CDH1: variants seen among roughly 807,000 people sequenced by gnomAD.
CDH1 encodes cadherin-1.
A neutral mutation model predicts 84.5 loss-of-function variants in CDH1; 35 were observed. The ratio of observed to expected loss-of-function variants is 0.41; its 90% CI spans 0.32 to 0.55. CDH1 has a LOEUF of 0.55. Ranked by LOEUF, CDH1 falls within the 20% of genes least tolerant of loss-of-function variation. The probability of loss-of-function intolerance (pLI) is 0.19; values close to 1 mark genes in which losing one functional copy is unlikely to be tolerated. For missense variants in CDH1, 994 were observed against 1,126.6 expected (o/e 0.88, Z 1.68); for synonymous variants, 417 against 439.0 (o/e 0.95, Z 0.63).
rs918283989 is a variant in CDH1, at chr16:68,800,045, A to C, written c.164-1625A>C. Among the ~76,000 whole-genome samples the C allele has an allele frequency of 4.6e-5, 7 of 151,496 alleles. No individual in the cohort carries two copies. In the South Asian group the frequency reaches 8.3e-4, roughly 18 times the overall value. On this transcript the variant is annotated intron_variant, in intron 2 of 15. Coordinates refer to ENST00000261769, the MANE Select transcript of CDH1 (RefSeq NM_004360.5). ...TAGTAATAATAATTAAAAAAAAAAA[A>C]AAAACCAAGGTTGGCTGGGCACACT...
intron 2 of CDH1, among the ~76,000 whole-genome samples, chr16:68,738,935 G>GTTTTTTTTTT (rs1179292223): frequency 5.5e-5 from 1 of 18,160 alleles, no homozygotes; most frequent in Non-Finnish European, 1.3e-4. Flanking sequence ...AGATATAAAA[G>GTTTTTTTTTT]CTTTTTTTTT....
chr16:68,771,829 C>T (rs560250163), intron 2 of CDH1, among the ~76,000 whole-genome samples: 1 of 152,134 alleles, frequency 6.6e-6, no homozygotes, highest in East Asian at 1.9e-4. Flanking sequence ...TGGCCTCTTG[C>T]CTCTGCCTCC....
Position 68,834,231 on chromosome 16 carries a change from G to C in CDH1, c.*732G>C, listed in dbSNP as rs1405642732. On this transcript the variant is annotated 3_prime_UTR_variant, in exon 16 of 16. Transcript: ENST00000261769. Reference sequence around the variant, plus strand: ...GGCCTCCCAGAGTATTGGGATTACAGACATGAGCCACTGCACCTGCCCAGC... The same window carrying C: ...GGCCTCCCAGAGTATTGGGATTACACACATGAGCCACTGCACCTGCCCAGC... 1 of 505,574 alleles carries C rather than the reference G, an allele frequency of 2.0e-6. No individual in the cohort carries two copies. Among genetic ancestry groups the C allele is most frequent in the Admixed American group, 2.3e-5 (1 of 43,852 alleles). The allele number at this position is 505,574 out of a possible 1,614,324, so 31.3% of individuals were successfully genotyped here. A position where few individuals can be genotyped will look rare whatever the true frequency, so the allele number is the denominator to read the frequency against.
In CDH1 at chr16:68,737,379, C is replaced by T. The variant is rs1057520826; in HGVS notation, c.-37C>T. Reference sequence around the variant, plus strand: ...TCCAGCCCGGCCCGACCCGACCGCACCCGGCGCCTGCCCTCGCTCGGCGTC... The same window carrying T: ...TCCAGCCCGGCCCGACCCGACCGCATCCGGCGCCTGCCCTCGCTCGGCGTC... On this transcript the variant is annotated 5_prime_UTR_variant, in exon 1 of 16. Transcript: ENST00000261769. 6.6e-7 allele frequency: 1 copy of T among 1,525,800 alleles called. No individual in the cohort carries two copies. The highest frequency in any genetic ancestry group is 2.5e-5 in the East Asian group (1 of 40,554). The allele number at this position is 1,525,800 out of a possible 1,614,324, so 94.5% of individuals were successfully genotyped here.
intron 2 of CDH1, among the ~76,000 whole-genome samples, chr16:68,787,654 GT>G (rs1176003631): frequency 6.7e-6 from 1 of 149,964 alleles, no homozygotes; most frequent in Non-Finnish European, 1.5e-5. Context: ...TATAACTATT[GT>G]TTTGTTTTGT....
At chr16:68,754,807 T>C (rs1962977482) in intron 2 of CDH1, among the ~76,000 whole-genome samples, 1 of 152,200 alleles carries the variant, frequency 6.6e-6, no homozygotes, top group Non-Finnish European at 1.5e-5. Flanking sequence ...GAAAAAGCCC[T>C]GTCCTCATGG....
rs1303550652 is a variant in CDH1, at chr16:68,737,434, A to G, written c.19A>G (p.Ser7Gly). ...GCCAGCCATGGGCCCTTGGAGCCGC[A>G]GCCTCTCGGCGCTGCTGCTGCTGCT... MGPWSR[S>G]LSALLLLLQV... is the part of the protein sequence containing the mutation. The change falls in exon 1 of 16, where the codon AGC becomes GGC. Residue 7 changes from serine to glycine, a missense_variant. Ser to Gly is a moderately conservative substitution (Grantham distance 56, BLOSUM62 0). Around this residue, in one of 3 missense-constraint regions of CDH1, gnomAD observed 203 missense variants for 194.0 expected, o/e 1.05. Transcript: ENST00000261769. 2.0e-6 allele frequency: 3 copies of G among 1,534,684 alleles called. No individual in the cohort carries two copies. Among genetic ancestry groups the G allele is most frequent in the Non-Finnish European group, 2.6e-6 (3 of 1,147,134 alleles).
chr16:68,750,930 C>G (rs1467751519), intron 2 of CDH1, among the ~76,000 whole-genome samples: 1 of 152,052 alleles, frequency 6.6e-6, no homozygotes, highest in Non-Finnish European at 1.5e-5. Flanking sequence ...GTCTGGAACT[C>G]CTGGGCTCAA....
chr16:68,740,426 G>A (rs1020105423), intron 2 of CDH1, among the ~76,000 whole-genome samples: 4 of 152,084 alleles, frequency 2.6e-5, no homozygotes, highest in East Asian at 3.9e-4. Flanking sequence ...TGATTCACCC[G>A]CCTTGGCCTC....
At chr16:68,809,314 G>T (rs987732676) in intron 5 of CDH1, among the ~76,000 whole-genome samples, 2 of 149,070 alleles carry the variant, frequency 1.3e-5, no homozygotes, top group Admixed American at 6.8e-5. Flanking sequence ...TGATTCTCCT[G>T]CTTCAACCTC....
intron 2 of CDH1, among the ~76,000 whole-genome samples, chr16:68,783,398 A>AG (rs943514331): frequency 7.3e-6 from 1 of 137,526 alleles, no homozygotes; most frequent in African/African-American, 2.7e-5. Context: ...CAAAAAAAAA[A>AG]AAAAAAGAAA....
chr16:68,833,219 A>G, intron 15 of CDH1, 71 bp from the exon 16 acceptor site: 1 of 1,360,622 alleles, frequency 7.3e-7, no homozygotes, highest in Non-Finnish European at 1.1e-6. Context: ...ACATATTGCT[A>G]GACTTCTTGC....
At chr16:68,744,654 T>C (rs1400669699) in intron 2 of CDH1, among the ~76,000 whole-genome samples, 1 of 152,174 alleles carries the variant, frequency 6.6e-6, no homozygotes, top group African/African-American at 2.4e-5. Flanking sequence ...AGAAGGTTCT[T>C]GAATCAGACT....
intron 2 of CDH1, among the ~76,000 whole-genome samples, chr16:68,763,052 C>G (rs866522240): frequency 4.6e-5 from 7 of 151,740 alleles, no homozygotes; most frequent in African/African-American, 1.7e-4. Flanking sequence ...CTATTTGCTT[C>G]CTGAAGATAA....
intron 2 of CDH1, among the ~76,000 whole-genome samples, chr16:68,796,068 C>T (rs1337353625): frequency 2.0e-5 from 3 of 151,772 alleles, no homozygotes; most frequent in African/African-American, 7.3e-5. Flanking sequence ...GAGGCTGGGG[C>T]AGGAGAATGG....
At chr16:68,818,701 T>A (rs1430408902) in intron 10 of CDH1, among the ~76,000 whole-genome samples, 3 of 150,804 alleles carry the variant, frequency 2.0e-5, no homozygotes, top group Non-Finnish European at 4.4e-5. Context: ...TACAAAAAAA[T>A]TAGCCGGGCG....
At chr16:68,778,501 A>G (rs1959792493) in intron 2 of CDH1, among the ~76,000 whole-genome samples, 1 of 152,198 alleles carries the variant, frequency 6.6e-6, no homozygotes, top group South Asian at 2.1e-4. Flanking sequence ...AACAATTGTG[A>G]GCCCCAGTGA....
At chr16:68,803,295 C>T (rs1009167416) in intron 3 of CDH1, among the ~76,000 whole-genome samples, 10 of 152,126 alleles carry the variant, frequency 6.6e-5, no homozygotes, top group African/African-American at 9.7e-5. Context: ...AACTTAGCTC[C>T]TTGACTCAAA....
In CDH1 at chr16:68,787,043, G is replaced by C. The variant is rs9929218; in HGVS notation, c.164-14627G>C. 6.6e-6 allele frequency among the ~76,000 whole-genome samples: 1 copy of C among 152,010 alleles called. No individual in the cohort carries two copies. Among genetic ancestry groups the C allele is most frequent in the Non-Finnish European group, 1.5e-5 (1 of 68,018 alleles). On this transcript the variant is annotated intron_variant, in intron 2 of 15. Coordinates refer to ENST00000261769, the MANE Select transcript of CDH1 (RefSeq NM_004360.5). ...ATTCAAAGGTTCTGAATTCCACAAC[G>C]GCTTTCCTGTGTTTTTGCAGCCAGA...
Sources: allele counts gnomAD v4.1 joint callset (sites outside exome capture counted in the v4.1 genomes callset), GRCh38; gene constraint gnomAD v4.1.1; regional missense constraint gnomAD v4.1.1; transcripts MANE v1.5; gene names NCBI Gene and HGNC (gene_info 2026-07-23, HGNC 2026-07-21).